The following LRP2 variants were observed in gnomAD, a reference collection of about 807,000 sequenced individuals.
LRP2 encodes low-density lipoprotein receptor-related protein 2.
A neutral mutation model predicts 531.0 loss-of-function variants in LRP2; 172 were observed. The observed-to-expected ratio is 0.32, with a 90% confidence interval of 0.29 to 0.37. LRP2 has a LOEUF of 0.37. LRP2 is among the 10% of genes least tolerant of loss of function. The pLI, the probability that LRP2 is intolerant of heterozygous loss-of-function variation, is 1.00. For synonymous variants in LRP2, 1,992 were observed against 2,027.6 expected (o/e 0.98, Z 0.47); for missense variants, 5,167 against 5,868.3 (o/e 0.88, Z 3.90).
chr2:169,310,554 C>A (rs550287373), intron 3 of LRP2, among the ~76,000 whole-genome samples: 1 of 152,326 alleles, frequency 6.6e-6, no homozygotes, highest in Non-Finnish European at 1.5e-5. Flanking sequence ...ATGAAACCAA[C>A]TTGATCATGG....
intron 76 of LRP2, among the ~76,000 whole-genome samples, chr2:169,135,547 C>T (rs752361819): frequency 2.6e-5 from 4 of 152,138 alleles, no homozygotes; most frequent in Non-Finnish European, 5.9e-5. Flanking sequence ...TCTTGGTATT[C>T]AGTGGAACCT....
intron 50 of LRP2, 52 bp downstream of exon 50, chr2:169,185,451 G>A: frequency 6.4e-7 from 1 of 1,573,068 alleles, no homozygotes; most frequent in Non-Finnish European, 8.7e-7. Flanking sequence ...TGAAAACATG[G>A]TTAGAATTTT....
At chr2:169,183,571 G>A (rs1687517877) in intron 50 of LRP2, among the ~76,000 whole-genome samples, 1 of 152,082 alleles carries the variant, frequency 6.6e-6, no homozygotes, top group Non-Finnish European at 1.5e-5. Flanking sequence ...TCAAGTCCTG[G>A]CAGACTGGCT....
In LRP2 at chr2:169,205,516, A is replaced by T; in HGVS notation, c.7678T>A (p.Tyr2560Asn). ...ACCCAGTAGAGAAGGTCCTCTTCAT[A>T]GTCCAGAGTCAGCCCACTGGGCATG... ...LVMPSGLTLD[Y>N]EEDLLYWVDA... The change falls in exon 41 of 79, where the codon TAT becomes AAT. Residue 2560 changes from tyrosine to asparagine, a missense_variant. By Grantham distance (143) the Tyr-to-Asn change is moderately radical. Around this residue, in one of 6 missense-constraint regions of LRP2, gnomAD observed 1,129 missense variants for 1,362.7 expected, o/e 0.83. Coordinates refer to ENST00000649046, the MANE Select transcript of LRP2 (RefSeq NM_004525.3). 6.2e-7 allele frequency: 1 copy of T among 1,614,178 alleles called. No individual in the cohort carries two copies. The highest frequency in any genetic ancestry group is 2.2e-5 in the East Asian group (1 of 44,876).
In LRP2 at chr2:169,128,750, C is replaced by A. The variant is rs144292380; in HGVS notation, c.13881G>T (p.Ser4627=). The change falls in exon 79 of 79, where the codon TCG becomes TCT. Residue 4627 remains serine, a synonymous_variant. Coordinates refer to ENST00000649046, the MANE Select transcript of LRP2 (RefSeq NM_004525.3). The stretch of plus-strand genomic sequence containing the variant: ...AATAGGTTGGAGTTGGGTCTCTTCT[C>A]GAAGGAGGCTTAGGCTTAGCAGGGA... ...PSLPAKPKPP[S]RRDPTPTYSA... The A allele has an allele frequency of 6.2e-7, 1 of 1,613,940 alleles. No individual in the cohort carries two copies. Among genetic ancestry groups the A allele is most frequent in the Non-Finnish European group, 8.5e-7 (1 of 1,179,996 alleles).
At chr2:169,285,129 C>T (rs1683818732) in intron 9 of LRP2, among the ~76,000 whole-genome samples, 1 of 143,122 alleles carries the variant, frequency 7.0e-6, no homozygotes, top group Non-Finnish European at 1.5e-5. Context: ...GGCAATATGG[C>T]AAGGGTTTAT....
chr2:169,191,753 G>C, intron 48 of LRP2, 79 bp downstream of exon 48: 1 of 1,215,314 alleles, frequency 8.2e-7, no homozygotes, highest in South Asian at 1.2e-5. Flanking sequence ...CTGTGGCCAC[G>C]GGGTGCCTGA....
intron 31 of LRP2, among the ~76,000 whole-genome samples, chr2:169,230,307 T>C (rs767325268): frequency 6.6e-6 from 1 of 152,284 alleles, no homozygotes; most frequent in African/African-American, 2.4e-5. Flanking sequence ...AGGTACATAA[T>C]AAGTCTCTGA....
chr2:169,205,576 T>A lies in LRP2; in HGVS notation c.7618A>T (p.Asn2540Tyr), dbSNP rs749758403. 1 of 1,613,998 alleles carries A rather than the reference T, an allele frequency of 6.2e-7. No individual in the cohort carries two copies. The highest frequency in any genetic ancestry group is 8.5e-7 in the Non-Finnish European group (1 of 1,179,980). The change falls in exon 41 of 79, where the codon AAC (asparagine) becomes TAC (tyrosine). Residue 2540 changes from asparagine to tyrosine, a missense_variant. Asn to Tyr is a moderately radical substitution (Grantham distance 143). This residue lies in a region of LRP2 where 1,129 missense variants were observed against 1,362.7 expected (regional missense o/e 0.83). Transcript: ENST00000649046. ...AKIERATLGG[N>Y]FRVPIVNSSL... ...CTGTTCACAATGGGTACGCGGAAGT[T>A]TCCTCCCAATGTGGCTCTCTCGATT... is the stretch of plus-strand genomic sequence containing the variant.
intron 31 of LRP2, among the ~76,000 whole-genome samples, chr2:169,231,507 A>C (rs186700509): frequency 1.3e-5 from 2 of 152,320 alleles, no homozygotes; most frequent in African/African-American, 4.8e-5. Flanking sequence ...TTACATGCAC[A>C]GATAACATTA....
intron 76 of LRP2, among the ~76,000 whole-genome samples, chr2:169,134,676 A>G (rs568713147): frequency 6.6e-6 from 1 of 151,900 alleles, no homozygotes; most frequent in African/African-American, 2.4e-5. Context: ...TCAAACCCTC[A>G]CTCTTGCAAA....
intron 2 of LRP2, among the ~76,000 whole-genome samples, chr2:169,319,609 A>C (rs1239636875): frequency 2.0e-5 from 3 of 152,080 alleles, no homozygotes; most frequent in African/African-American, 7.2e-5. Context: ...TTTTGCTTTT[A>C]TTGTTTAATC....
chr2:169,176,907 C>A (rs1461054164), intron 53 of LRP2, among the ~76,000 whole-genome samples: 1 of 152,136 alleles, frequency 6.6e-6, no homozygotes, highest in Admixed American at 6.5e-5. Flanking sequence ...TTTGCCTAGA[C>A]CTAGGTTAAA....
In LRP2 at chr2:169,174,044, CA is replaced by C; in HGVS notation, c.10888del (p.Cys3630ValfsTer43). On this transcript the variant is annotated frameshift_variant, in exon 56 of 79. Transcript: ENST00000649046. LOFTEE classifies it high-confidence loss of function. ...GCCCGGCCGGCAGGTCCTGCTGGCA[CA>C]GTGGGAACTGTCTTCATCTGAGTTA... Reference protein sequence around the residue: ...EDNSDEDSSHCASRTCRPGQF... With the variant: ...EDNSDEDSSHXASRTCRPGQF... 6.2e-7 allele frequency: 1 copy of C among 1,614,214 alleles called. No individual in the cohort carries two copies. The highest frequency in any genetic ancestry group is 8.5e-7 in the Non-Finnish European group (1 of 1,180,044).
intron 10 of LRP2, among the ~76,000 whole-genome samples, chr2:169,281,631 T>C (rs1026572729): frequency 2.0e-5 from 3 of 151,218 alleles, no homozygotes; most frequent in Admixed American, 6.6e-5. Flanking sequence ...AGGCAGAGAA[T>C]TGCCTGAACC....
chr2:169,236,114 A>G (rs761919217), intron 28 of LRP2, 46 bp from the exon 29 acceptor site: 34 of 1,330,268 alleles, frequency 2.6e-5, no homozygotes, highest in Non-Finnish European at 3.3e-5. Flanking sequence ...GTATTTAAAT[A>G]TTAAAAATAA....
chr2:169,256,016 G>C (rs913231911), intron 19 of LRP2, 90 bp downstream of exon 19: 1 of 1,396,714 alleles, frequency 7.2e-7, no homozygotes, highest in African/African-American at 1.4e-5. Context: ...AGCTTTTCTG[G>C]GATTGTGAAA....
chr2:169,270,818 G>A, intron 16 of LRP2, 86 bp downstream of exon 16: 3 of 754,964 alleles, frequency 4.0e-6, no homozygotes, highest in Admixed American at 2.4e-5. Context: ...TAGATACTGA[G>A]TTTTAATTAT....
chr2:169,319,748 T>C (rs1333061803), intron 2 of LRP2, among the ~76,000 whole-genome samples: 1 of 152,220 alleles, frequency 6.6e-6, no homozygotes, highest in Non-Finnish European at 1.5e-5. Flanking sequence ...AGGAAGTTTA[T>C]AGAAACGCAG....
Sources: allele counts gnomAD v4.1 joint callset (sites outside exome capture counted in the v4.1 genomes callset), GRCh38; gene constraint gnomAD v4.1.1; regional missense constraint gnomAD v4.1.1; transcripts MANE v1.5; gene names NCBI Gene and HGNC (gene_info 2026-07-23, HGNC 2026-07-21).